Variants in RBM27 observed in about 807,000 individuals in gnomAD.
RBM27 encodes RNA binding motif protein 27.
A neutral mutation model predicts 135.3 loss-of-function variants in RBM27; 22 were observed. The observed-to-expected ratio is 0.16, with a 90% CI of 0.12 to 0.23. RBM27 has a LOEUF of 0.23. RBM27 is among the 10% of genes least tolerant of loss of function. The pLI, the probability that RBM27 is intolerant of heterozygous loss-of-function variation, is 1.00. For synonymous variants in RBM27, 481 were observed against 442.4 expected (o/e 1.09, Z -1.10); for missense variants, 1,009 against 1,281.0 (o/e 0.79, Z 3.24).
chr5:146,278,059 C>T (rs1759167456), intron 19 of RBM27, among the ~76,000 whole-genome samples: 1 of 152,126 alleles, frequency 6.6e-6, no homozygotes, highest in Admixed American at 6.5e-5. Flanking sequence ...CTAAATAACC[C>T]TTCAGAATGT....
At position 146,279,562 on chromosome 5, in the gene RBM27, C is replaced by T. The variant is rs191762168; in HGVS notation, c.2989-5060C>T. On this transcript the variant is annotated intron_variant, in intron 19 of 20. Coordinates refer to ENST00000265271, the MANE Select transcript of RBM27 (RefSeq NM_018989.2). ...GTGGCTCACGCCTATAATCACAGCA[C>T]TTTGGGAGGCCGAGGCGGGTGGATC... 2.1e-3 allele frequency among the ~76,000 whole-genome samples: 313 copies of T among 152,086 alleles called. 1 individual carries two copies. The highest frequency in any genetic ancestry group is 3.4e-3 in the Non-Finnish European group (230 of 67,970).
chr5:146,235,759 T>C (rs1757130112), intron 7 of RBM27, among the ~76,000 whole-genome samples: 1 of 151,968 alleles, frequency 6.6e-6, no homozygotes, highest in Non-Finnish European at 1.5e-5. Context: ...GGCTCACGAC[T>C]CACTGCAACC....
chr5:146,273,718 A>G (rs766319447), intron 19 of RBM27, among the ~76,000 whole-genome samples: 2 of 152,204 alleles, frequency 1.3e-5, no homozygotes, highest in South Asian at 2.1e-4. Flanking sequence ...GGTAAAATCT[A>G]TATTTTCAGT....
intron 1 of RBM27, among the ~76,000 whole-genome samples, chr5:146,211,464 C>CTTTTTTATTTTTTTTTTTTT (rs1755944190): frequency 4.0e-5 from 2 of 49,904 alleles, no homozygotes; most frequent in Non-Finnish European, 7.4e-5. Flanking sequence ...ATGGTCTTAT[C>CTTTTTTATTTTTTTTTTTTT]TTTTTTTTTT....
chr5:146,213,401 G>A lies in RBM27; in HGVS notation c.60-5584G>A, dbSNP rs554155785. 1.1e-4 allele frequency among the ~76,000 whole-genome samples: 17 copies of A among 152,214 alleles called. No individual in the cohort carries two copies. In the South Asian group the frequency reaches 3.5e-3, roughly 32 times the overall value. On this transcript the variant is annotated intron_variant, in intron 1 of 20. Transcript: ENST00000265271. ...GACGTGAGCCACCACGCCCAGCCAA[G>A]AGTGTGGATATTTTAATGGCTGTTG...
At position 146,223,461 on chromosome 5, in the gene RBM27, A is replaced by T. The variant is rs759281160; in HGVS notation, c.237A>T (p.Pro79=). 24 of 1,610,328 alleles carry T rather than the reference A, an allele frequency of 1.5e-5. No individual in the cohort carries two copies. Among genetic ancestry groups the T allele is most frequent in the Non-Finnish European group, 2.0e-5 (24 of 1,178,380 alleles). Residue 79 remains proline, a synonymous_variant, in exon 3 of 21, where the codon CCA becomes CCT. Transcript: ENST00000265271. ...GTCTCTATACTAAGAACTACCTTCCACTTTTGGAACCAGTAAAGCCTGAGC... is the reference window on the plus strand; with the variant it reads ...GTCTCTATACTAAGAACTACCTTCCTCTTTTGGAACCAGTAAAGCCTGAGC... The part of the protein sequence containing the change: ...FESLYTKNYL[P]LLEPVKPEPK...
chr5:146,254,822 T>C (rs1316439921), intron 9 of RBM27, 121 bp from the exon 10 acceptor site: 6 of 864,408 alleles, frequency 6.9e-6, no homozygotes, highest in African/African-American at 1.7e-5. Context: ...GAGGTGACTG[T>C]AGGTTGATGT....
chr5:146,207,658 C>CTTT (rs1224104910), intron 1 of RBM27, among the ~76,000 whole-genome samples: 1 of 128,978 alleles, frequency 7.8e-6, no homozygotes, highest in Non-Finnish European at 1.7e-5. Flanking sequence ...GGAGATATTT[C>CTTT]TTTTTTTTTT....
chr5:146,223,586 T>C (rs1246765925), intron 3 of RBM27, 59 bp downstream of exon 3: 1 of 1,539,076 alleles, frequency 6.5e-7, no homozygotes, highest in Admixed American at 2.2e-5. Context: ...ACCAGTATCC[T>C]TAGTTGGAAG....
chr5:146,269,817 C>T (rs1052844736), intron 17 of RBM27, among the ~76,000 whole-genome samples: 1 of 150,088 alleles, frequency 6.7e-6, no homozygotes, highest in East Asian at 2.0e-4. Flanking sequence ...ATGCAGTCCT[C>T]CCACCTTGGC....
chr5:146,251,790 A>C lies in RBM27; in HGVS notation c.1359A>C (p.Ala453=). 6.2e-7 allele frequency: 1 copy of C among 1,613,876 alleles called. No individual in the cohort carries two copies. The highest frequency in any genetic ancestry group is 8.5e-7 in the Non-Finnish European group (1 of 1,179,796). ...TGGGGACACCGCCTCCTCTGTTGGC[A>C]GCTCGTTTGGTGCCACCTCGAAACC... ...LQLGTPPPLL[A]ARLVPPRNLM... is the part of the protein sequence containing the mutation. Residue 453 remains alanine (A), a synonymous_variant, in exon 9 of 21, where the codon GCA becomes GCC. Coordinates refer to ENST00000265271, the MANE Select transcript of RBM27 (RefSeq NM_018989.2).
At chr5:146,261,178 A>G (rs1348879660) in intron 12 of RBM27, among the ~76,000 whole-genome samples, 4 of 152,184 alleles carry the variant, frequency 2.6e-5, no homozygotes, top group African/African-American at 9.6e-5. Flanking sequence ...AAGGTGCTGG[A>G]TGATTCATTT....
chr5:146,265,469 A>G (rs938330096), intron 14 of RBM27, among the ~76,000 whole-genome samples: 2 of 152,236 alleles, frequency 1.3e-5, no homozygotes, highest in African/African-American at 4.8e-5. Flanking sequence ...TATGGCAAGT[A>G]TAGAAGAAGC....
chr5:146,229,066 A>G (rs1756811226), intron 4 of RBM27, 29 bp downstream of exon 4: 5 of 1,574,156 alleles, frequency 3.2e-6, no homozygotes, highest in African/African-American at 1.4e-5. Context: ...TTAGGAAGAC[A>G]TTGATAACTC....
chr5:146,212,333 C>CTTT lies in RBM27; in HGVS notation c.60-6652_60-6651insTTT, dbSNP rs1203603171. ...CCTCCCAAAGTGCTGGGATTACAGG[C>CTTT]GTGAGCCACCCCGCCCGGCCCTTGT... On this transcript the variant is annotated intron_variant, in intron 1 of 20. Transcript: ENST00000265271. Among the ~76,000 whole-genome samples, 9 of 150,620 alleles carry CTTT rather than the reference C, an allele frequency of 6.0e-5. No individual in the cohort carries two copies. In the Middle Eastern group the frequency reaches 0.011, roughly 177 times the overall value.
Position 146,254,955 on chromosome 5 carries a change from C to T in RBM27, c.1457C>T (p.Pro486Leu). Reference sequence around the variant, plus strand: ...TGTTTTCCCTCAGATACATATGAACCAGATGGTTACAACCCAGAAGCTCCT... The same window carrying T: ...TGTTTTCCCTCAGATACATATGAACTAGATGGTTACAACCCAGAAGCTCCT... ...PTPLVPDTYEPDGYNPEAPSI... is the reference protein window; with the variant it reads ...PTPLVPDTYELDGYNPEAPSI... Residue 486 changes from proline (P) to leucine (L), a missense_variant, in exon 10 of 21, where the codon CCA becomes CTA. Around this residue, in one of 6 missense-constraint regions of RBM27, gnomAD observed 329 missense variants for 368.1 expected, o/e 0.89. Coordinates refer to ENST00000265271, the MANE Select transcript of RBM27 (RefSeq NM_018989.2). 4 of 1,584,948 alleles carry T rather than the reference C, an allele frequency of 2.5e-6. No homozygotes were observed. The highest frequency in any genetic ancestry group is 3.4e-6 in the Non-Finnish European group (4 of 1,160,204).
At chr5:146,257,184 A>G (rs374565063) in intron 10 of RBM27, among the ~76,000 whole-genome samples, 9 of 152,290 alleles carry the variant, frequency 5.9e-5, no homozygotes, top group South Asian at 2.1e-4. Context: ...AAATGTACCA[A>G]CTCCTAACCA....
chr5:146,263,401 T>A, intron 13 of RBM27, 90 bp from the exon 14 acceptor site: 1 of 1,316,318 alleles, frequency 7.6e-7, no homozygotes, highest in Non-Finnish European at 1.0e-6. Context: ...TTTTCTTATC[T>A]TCTTCCCTAG....
intron 9 of RBM27, among the ~76,000 whole-genome samples, chr5:146,253,579 G>C (rs570800976): frequency 6.6e-6 from 1 of 151,972 alleles, no homozygotes; most frequent in African/African-American, 2.4e-5. Flanking sequence ...AAAAATGGGG[G>C]TGGGAGGAAG....
Sources: allele counts gnomAD v4.1 joint callset (sites outside exome capture counted in the v4.1 genomes callset), GRCh38; gene constraint gnomAD v4.1.1; regional missense constraint gnomAD v4.1.1; transcripts MANE v1.5; gene names NCBI Gene and HGNC (gene_info 2026-07-23, HGNC 2026-07-21).